Variants in TBRG4 observed in about 807,000 individuals in gnomAD.
The protein encoded by TBRG4 is transforming growth factor beta regulator 4.
Under a neutral mutation model 65.6 loss-of-function variants are expected in TBRG4, and 43 were observed. The observed-to-expected ratio is 0.66, with a 90% CI of 0.51 to 0.85. The LOEUF (loss-of-function observed/expected upper bound fraction) is 0.85. Ranked by LOEUF, TBRG4 falls within the 40% of genes least tolerant of loss-of-function variation. TBRG4 has a pLI of 0.00. For missense variants in TBRG4, 709 were observed against 787.9 expected (o/e 0.90, Z 1.20); for synonymous variants, 366 against 341.4 (o/e 1.07, Z -0.79).
At chr7:45,105,399 A>AG in intron 3 of TBRG4, 42 bp downstream of exon 3, 1 of 1,556,056 alleles carries the variant, frequency 6.4e-7, no homozygotes, top group Non-Finnish European at 8.7e-7. Context: ...CCCAAAGCCC[A>AG]GGGGAGGCAG....
intron 1 of TBRG4, among the ~76,000 whole-genome samples, chr7:45,109,906 G>A (rs1785077144): frequency 1.3e-5 from 2 of 149,750 alleles, no homozygotes; most frequent in African/African-American, 4.9e-5. Flanking sequence ...GAACCTGAGA[G>A]GCGGAGATTG....
At position 45,109,048 on chromosome 7, in the gene TBRG4, A is replaced by T; in HGVS notation, c.190T>A (p.Ser64Thr). 3 of 1,613,760 alleles carry T rather than the reference A, an allele frequency of 1.9e-6. No individual in the cohort carries two copies. The highest frequency in any genetic ancestry group is 2.7e-5 in the African/African-American group (2 of 75,040). The change falls in exon 2 of 11, where the codon TCT becomes ACT. Residue 64 changes from serine (S) to threonine (T), a missense_variant. Ser to Thr is a moderately conservative substitution (Grantham distance 58, BLOSUM62 1). Transcript: ENST00000258770. The stretch of plus-strand genomic sequence containing the variant: ...ACCTGCTTCTCTATGTAGGGAGTAG[A>T]TGCTCGTTCCTTCTCCACCGGCTCC... ...LMEPVEKERA[S>T]TPYIEKQVDH...
intron 6 of TBRG4, 50 bp from the exon 7 acceptor site, chr7:45,102,541 G>A (rs1294462871): frequency 6.3e-7 from 1 of 1,586,100 alleles, no homozygotes; most frequent in Non-Finnish European, 8.5e-7. Flanking sequence ...CTTAGGGGCT[G>A]CAAATAGCCA....
chr7:45,105,833 C>G (rs1784935765), intron 2 of TBRG4, 69 bp from the exon 3 acceptor site: 8 of 1,494,916 alleles, frequency 5.4e-6, no homozygotes, highest in Non-Finnish European at 6.4e-6. Context: ...TGGAGGCTAC[C>G]TCTCTGAACC....
chr7:45,103,092 G>A (rs983102260), intron 6 of TBRG4: 2 of 558,492 alleles, frequency 3.6e-6, no homozygotes, highest in African/African-American at 3.8e-5. Flanking sequence ...ATTAAAAGGA[G>A]CACCAGAGGC....
In TBRG4 at chr7:45,105,519, T is replaced by G. The variant is rs1463108153; in HGVS notation, c.657A>C (p.Glu219Asp). ...THLERRWTEI[E>D]DSHTLVTVMM... ...TGACGGTCACTAATGTGTGGGAATCTTCAATTTCTGTCCAACGCCTTTCCA... is the reference window on the plus strand; with the variant it reads ...TGACGGTCACTAATGTGTGGGAATCGTCAATTTCTGTCCAACGCCTTTCCA... The change falls in exon 3 of 11, where the codon GAA becomes GAC. Residue 219 changes from glutamate to aspartate, a missense_variant. Glu to Asp is a conservative substitution (Grantham distance 45). Transcript: ENST00000258770. 6.2e-7 allele frequency: 1 copy of G among 1,614,186 alleles called. No homozygotes were observed. Among genetic ancestry groups the G allele is most frequent in the Non-Finnish European group, 8.5e-7 (1 of 1,180,032 alleles).
rs762071924 is a variant in TBRG4, at chr7:45,104,629, G to A, written c.816C>T (p.Ser272=). ...AGGAGATGGCCCGCAGCAAGGGCACGGACCGCCGGCTCTGAGCTGCCAGCA... is the reference window on the plus strand; with the variant it reads ...AGGAGATGGCCCGCAGCAAGGGCACAGACCGCCGGCTCTGAGCTGCCAGCA... ...LVMLAAQSRR[S]VPLLRAISYH... Residue 272 remains serine (S), a synonymous_variant, in exon 4 of 11, where the codon TCC becomes TCT. Transcript: ENST00000258770. 3.8e-5 allele frequency: 61 copies of A among 1,613,910 alleles called. No homozygotes were observed. In the East Asian group the frequency reaches 4.5e-4, roughly 12 times the overall value.
Position 45,102,145 on chromosome 7 carries a change from C to T in TBRG4, c.1322-75G>A, listed in dbSNP as rs1173411828. 7.9e-6 allele frequency: 12 copies of T among 1,525,434 alleles called. No homozygotes were observed. The South Asian group carries it at 1.2e-4, about 15-fold the overall frequency. The allele number at this position is 1,525,434 out of a possible 1,614,324, so 94.5% of individuals were successfully genotyped here. A position where few individuals can be genotyped will look rare whatever the true frequency, so the allele number is the denominator to read the frequency against. On this transcript the variant is annotated intron_variant, in intron 7 of 10. Transcript: ENST00000258770. ...GGGAGACCCTGATGAGAGGGCAGTG[C>T]ACCCCTACACCCAGTCCCAGCCCAG...
chr7:45,102,472 G>T lies in TBRG4; in HGVS notation c.1196C>A (p.Ser399Ter). 1 of 1,611,544 alleles carries T rather than the reference G, an allele frequency of 6.2e-7. No individual in the cohort carries two copies. The highest frequency in any genetic ancestry group is 8.5e-7 in the Non-Finnish European group (1 of 1,179,946). Residue 399 changes from serine (S) to a stop codon, truncating the protein, a stop_gained, in exon 7 of 11, where the codon TCA (serine) becomes TAA (stop). Coordinates refer to ENST00000258770, the MANE Select transcript of TBRG4 (RefSeq NM_004749.4). LOFTEE classifies it high-confidence loss of function. ...FFSLVHEKLG[S>*]ELPGLEPALQ... Reference sequence around the variant, plus strand: ...GGCTGGCTCCAGGCCTGGCAGCTCTGACCCCAGCTTCTCATGTACCTGGGC... The same window carrying T: ...GGCTGGCTCCAGGCCTGGCAGCTCTTACCCCAGCTTCTCATGTACCTGGGC...
At chr7:45,101,644 T>C (rs1332815454) in intron 8 of TBRG4, 30 bp from the exon 9 acceptor site, 1 of 1,607,634 alleles carries the variant, frequency 6.2e-7, no homozygotes, top group Non-Finnish European at 8.5e-7. Context: ...TGAGAACATG[T>C]TGGGGGACAT....
rs1358844984 is a variant in TBRG4 at position 45,100,409 on chromosome 7, C to A, written c.1812G>T (p.Trp604Cys). Residue 604 changes from tryptophan to cysteine, a missense_variant, in exon 11 of 11, where the codon TGG becomes TGT. Physicochemically the swap from Trp to Cys is radical, Grantham distance 215 (BLOSUM62 -2). Coordinates refer to ENST00000258770, the MANE Select transcript of TBRG4 (RefSeq NM_004749.4). ...TCTGCCATTCAGACTTGAGTTCCAG[C>A]CACTCATAGAATGGGACCTAGAAGG... ...FLIVDVPFYE[W>C]LELKSEWQKG... is the part of the protein sequence containing the mutation. The A allele has an allele frequency of 6.2e-7, 1 of 1,613,978 alleles. No individual in the cohort carries two copies. The highest frequency in any genetic ancestry group is 2.2e-5 in the East Asian group (1 of 44,888).
intron 8 of TBRG4, 92 bp from the exon 9 acceptor site, chr7:45,101,706 G>A: frequency 6.3e-7 from 1 of 1,595,618 alleles, no homozygotes; most frequent in South Asian, 1.1e-5. Flanking sequence ...ACTGTGGGGA[G>A]CCCAGGCTGA....
intron 2 of TBRG4, 49 bp downstream of exon 2, chr7:45,108,778 T>G (rs1006216240): frequency 3.4e-6 from 5 of 1,460,716 alleles, no homozygotes; most frequent in Admixed American, 2.6e-5. Flanking sequence ...CCAGCATTTC[T>G]GGCTGTTTTC....
chr7:45,102,118 T>C (rs1554388240), intron 7 of TBRG4, 48 bp from the exon 8 acceptor site: 1 of 1,549,036 alleles, frequency 6.5e-7, no homozygotes, highest in Admixed American at 2.2e-5. Flanking sequence ...CGGCCAGAGA[T>C]GGGGAGACCC....
intron 2 of TBRG4, 132 bp from the exon 3 acceptor site, chr7:45,105,896 C>G: frequency 8.7e-7 from 1 of 1,144,460 alleles, no homozygotes; most frequent in Non-Finnish European, 1.3e-6. Context: ...ATCAGTTCCC[C>G]ACTCCATTGT....
In TBRG4 at chr7:45,104,924, T is replaced by G. The variant is rs767981285; in HGVS notation, c.736-215A>C. 16 of 839,316 alleles carry G rather than the reference T, an allele frequency of 1.9e-5. 1 individual carries two copies. The Middle Eastern group carries it at 6.5e-4, about 34-fold the overall frequency. 52.0% of individuals were successfully genotyped at this position (839,316 alleles called of 1,614,324 possible). On this transcript the variant is annotated intron_variant, in intron 3 of 10. Transcript: ENST00000258770. ...CCTGGAGCACTGTCCACAGCCAAAC[T>G]TATCCCCAGGTCCCAGGGTAGGTGA...
intron 2 of TBRG4, among the ~76,000 whole-genome samples, chr7:45,107,942 TA>T (rs1206790307): frequency 1.3e-5 from 2 of 152,250 alleles, no homozygotes; most frequent in Non-Finnish European, 2.9e-5. Flanking sequence ...TATACATCCT[TA>T]ACTAGAACAA....
Position 45,103,407 on chromosome 7 carries a change from G to T in TBRG4, c.1102C>A (p.His368Asn). Residue 368 changes from histidine to asparagine, a missense_variant, in exon 6 of 11, where the codon CAC becomes AAC. His to Asn is a moderately conservative substitution (Grantham distance 68, BLOSUM62 1). Transcript: ENST00000258770. Reference protein sequence around the residue: ...LNRAQDITLPHLCSVLLAFAR... With the variant: ...LNRAQDITLPNLCSVLLAFAR... ...AAAGCCAGAAGTACGCTGCACAGGT[G>T]GGGCAGGGTGATGTCCTGCGCTCTG... 6.2e-7 allele frequency: 1 copy of T among 1,613,980 alleles called. No homozygotes were observed.
Position 45,101,988 on chromosome 7 carries a change from G to A in TBRG4, c.1404C>T (p.Tyr468=). ...CCGAGGCAGGCAGAAGGGGACCCGA[G>A]TACTCGGGGTACTCCAGCAGGGCAG... The part of the protein sequence containing the change: ...NATALLEYPE[Y]SGPLLPASAV... The change falls in exon 8 of 11, where the codon TAC becomes TAT. Residue 468 remains tyrosine (Y), a synonymous_variant. Coordinates refer to ENST00000258770, the MANE Select transcript of TBRG4 (RefSeq NM_004749.4). 6.3e-7 allele frequency: 1 copy of A among 1,576,608 alleles called. No homozygotes were observed. Among genetic ancestry groups the A allele is most frequent in the Non-Finnish European group, 8.6e-7 (1 of 1,163,948 alleles).
Sources: allele counts gnomAD v4.1 joint callset (sites outside exome capture counted in the v4.1 genomes callset), GRCh38; gene constraint gnomAD v4.1.1; transcripts MANE v1.5; gene names NCBI Gene and HGNC (gene_info 2026-07-23, HGNC 2026-07-21).